The following MIB1 variants were observed in gnomAD, a reference collection of about 807,000 sequenced individuals.
MIB1 encodes MIB E3 ubiquitin protein ligase 1.
Under a neutral mutation model 124.5 loss-of-function variants are expected in MIB1, and 278 were observed. That is an observed-to-expected ratio of 2.23 (90% confidence interval 2.02 to 2.47). The LOEUF is 2.47. Among genes scored for constraint, MIB1 ranks in the 30% most tolerant of loss-of-function variants. The pLI is 0.00. For missense variants in MIB1, 957 were observed against 1,254.4 expected (o/e 0.76, Z 3.58); for synonymous variants, 446 against 429.4 (o/e 1.04, Z -0.48).
chr18:21,852,207 T>A (rs1289524534), intron 17 of MIB1, among the ~76,000 whole-genome samples: 1 of 152,232 alleles, frequency 6.6e-6, no homozygotes, highest in African/African-American at 2.4e-5. Flanking sequence ...AGTGTCTTGA[T>A]CAACTATGTC....
intron 3 of MIB1, among the ~76,000 whole-genome samples, chr18:21,771,538 T>C (rs2041223907): frequency 6.6e-6 from 1 of 152,116 alleles, no homozygotes; most frequent in Admixed American, 6.6e-5. Flanking sequence ...GGTTATGTAG[T>C]GGTTAGTTGA....
chr18:21,793,089 G>A (rs2041525746), intron 7 of MIB1, among the ~76,000 whole-genome samples: 1 of 152,200 alleles, frequency 6.6e-6, no homozygotes, highest in Non-Finnish European at 1.5e-5. Flanking sequence ...GAGAATTAAT[G>A]AGGCATCTGA....
intron 1 of MIB1, among the ~76,000 whole-genome samples, chr18:21,719,510 G>A (rs1388498281): frequency 1.3e-5 from 2 of 151,954 alleles, no homozygotes; most frequent in East Asian, 1.9e-4. Flanking sequence ...GCAGCGGTGC[G>A]ATCTCTGCAC....
At chr18:21,729,468 G>C (rs1410533251) in intron 1 of MIB1, among the ~76,000 whole-genome samples, 1 of 152,062 alleles carries the variant, frequency 6.6e-6, no homozygotes, top group African/African-American at 2.4e-5. Context: ...ATGCAAAAGG[G>C]CTCCCTCAAG....
intron 10 of MIB1, among the ~76,000 whole-genome samples, chr18:21,806,666 G>A (rs2041711071): frequency 6.6e-6 from 1 of 151,272 alleles, no homozygotes; most frequent in African/African-American, 2.4e-5. Flanking sequence ...TGTCGCCCAG[G>A]CTGGAGTGTA....
chr18:21,807,067 G>A (rs920315984), intron 10 of MIB1, among the ~76,000 whole-genome samples: 1 of 152,162 alleles, frequency 6.6e-6, no homozygotes, highest in Non-Finnish European at 1.5e-5. Flanking sequence ...TTGTAGAAGT[G>A]TGAAAAGGGA....
At chr18:21,852,964 AAAG>A (rs1363746140) in intron 17 of MIB1, among the ~76,000 whole-genome samples, 173 bp from the exon 18 acceptor site, 1 of 152,196 alleles carries the variant, frequency 6.6e-6, no homozygotes, top group African/African-American at 2.4e-5. Context: ...TAGGGTATAT[AAAG>A]ATGTGAAAAT....
intron 12 of MIB1, among the ~76,000 whole-genome samples, chr18:21,821,051 G>T (rs1293103638): frequency 6.6e-6 from 1 of 152,016 alleles, no homozygotes; most frequent in Admixed American, 6.6e-5. Flanking sequence ...CTTCCAACTA[G>T]TTTTAAAATT....
At chr18:21,802,249 TC>T (rs920720217) in intron 9 of MIB1, among the ~76,000 whole-genome samples, 1 of 152,178 alleles carries the variant, frequency 6.6e-6, no homozygotes, top group African/African-American at 2.4e-5. Flanking sequence ...TTGATGTGGA[TC>T]TTTTTTCATC....
chr18:21,718,724 G>C (rs886252613), intron 1 of MIB1, among the ~76,000 whole-genome samples: 1 of 152,198 alleles, frequency 6.6e-6, no homozygotes, highest in Non-Finnish European at 1.5e-5. Context: ...TTACTGGCAA[G>C]ACAGGTTCAA....
intron 7 of MIB1, among the ~76,000 whole-genome samples, chr18:21,793,596 C>T (rs955356167): frequency 6.6e-6 from 1 of 151,622 alleles, no homozygotes; most frequent in Non-Finnish European, 1.5e-5. Flanking sequence ...GCCTGAACAA[C>T]GTGGTGAAAC....
At chr18:21,838,593 A>G (rs1160343340) in intron 13 of MIB1, 96 bp downstream of exon 13, 3 of 979,390 alleles carry the variant, frequency 3.1e-6, no homozygotes, top group African/African-American at 3.4e-5. Context: ...TAAATTGCCT[A>G]TTAGTAGGTT....
At chr18:21,832,116 T>G (rs1237110390) in intron 12 of MIB1, among the ~76,000 whole-genome samples, 1 of 152,188 alleles carries the variant, frequency 6.6e-6, no homozygotes, top group Non-Finnish European at 1.5e-5. Flanking sequence ...AAATGAAATC[T>G]TAGAAGTGCT....
chr18:21,837,340 C>G (rs2042042836), intron 12 of MIB1, among the ~76,000 whole-genome samples: 1 of 152,186 alleles, frequency 6.6e-6, no homozygotes, highest in African/African-American at 2.4e-5. Context: ...AACCCCATCT[C>G]TACTGAAAAT....
rs1199320358 is a variant in MIB1 at position 21,733,345 on chromosome 18, C to T, written n.167+28222C>T. 2.0e-5 allele frequency among the ~76,000 whole-genome samples: 3 copies of T among 152,168 alleles called. No homozygotes were observed. In the South Asian group the frequency reaches 6.2e-4, roughly 32 times the overall value. Reference sequence around the variant, plus strand: ...TCATACTTTCCTACAGCCTTGAACTCCTAGGCTCAAGTGATCATCTCGCCT... The same window carrying T: ...TCATACTTTCCTACAGCCTTGAACTTCTAGGCTCAAGTGATCATCTCGCCT... On this transcript the variant is annotated intron_variant and non_coding_transcript_variant, in intron 1 of 20. Transcript: ENST00000578646.
chr18:21,856,336 A>G (rs61006883), intron 18 of MIB1, among the ~76,000 whole-genome samples: 4,754 of 152,200 alleles, frequency 0.031, 247 homozygotes, highest in African/African-American at 0.11. Context: ...ATAGGAATGC[A>G]TTCTTCTGAA....
At position 21,798,215 on chromosome 18, in the gene MIB1, C is replaced by A; in HGVS notation, c.1224C>A (p.Ser408Arg). 6.2e-7 allele frequency: 1 copy of A among 1,612,988 alleles called. No individual in the cohort carries two copies. The highest frequency in any genetic ancestry group is 8.5e-7 in the Non-Finnish European group (1 of 1,179,224). Reference protein sequence around the residue: ...SKVASAGSAISNASGERLSQL... With the variant: ...SKVASAGSAIRNASGERLSQL... Reference sequence around the variant, plus strand: ...TGGCATCTGCAGGATCAGCCATTAGCAATGCATCTGGTGGTATGTTTTATA... The same window carrying A: ...TGGCATCTGCAGGATCAGCCATTAGAAATGCATCTGGTGGTATGTTTTATA... The change falls in exon 8 of 21, where the codon AGC becomes AGA. Residue 408 changes from serine (S) to arginine (R), a missense_variant. Physicochemically the swap from Ser to Arg is moderately radical, Grantham distance 110 (BLOSUM62 -1). Transcript: ENST00000261537.
chr18:21,759,439 C>T (rs2041073218), intron 1 of MIB1, among the ~76,000 whole-genome samples: 1 of 151,744 alleles, frequency 6.6e-6, no homozygotes, highest in African/African-American at 2.4e-5. Flanking sequence ...GACGGGGTTT[C>T]ACCATGTTGG....
At chr18:21,818,953 T>A (rs568928267) in intron 11 of MIB1, among the ~76,000 whole-genome samples, 15 of 152,058 alleles carry the variant, frequency 9.9e-5, no homozygotes, top group Admixed American at 2.0e-4. Flanking sequence ...GAAAAAAAAA[T>A]TCCAGCATGC....
Sources: gnomAD v4.1 joint callset for allele counts (sites outside exome capture counted in the v4.1 genomes callset) on GRCh38, gnomAD v4.1.1 for gene constraint, MANE v1.5 for transcripts, NCBI Gene and HGNC (gene_info 2026-07-23, HGNC 2026-07-21) for gene names.